Variants in DLEC1 observed in about 807,000 individuals in gnomAD.
The protein encoded by DLEC1 is DLEC1 cilia and flagella associated protein, also known as deleted in lung and esophageal cancer protein 1.
A neutral mutation model predicts 198.1 loss-of-function variants in DLEC1; 146 were observed. That is an observed-to-expected ratio of 0.74 (90% confidence interval 0.64 to 0.85). The LOEUF (loss-of-function observed/expected upper bound fraction) is 0.85, where lower values mean the gene tolerates loss of function less well. Among genes scored for constraint, DLEC1 ranks in the 40% least tolerant of loss-of-function variants. The pLI, the probability that DLEC1 is intolerant of heterozygous loss-of-function variation, is 0.00. For missense variants in DLEC1, 2,233 were observed against 2,220.0 expected (o/e 1.01, Z -0.12); for synonymous variants, 897 against 866.8 (o/e 1.03, Z -0.61).
intron 35 of DLEC1, 32 bp downstream of exon 35, chr3:38,121,813 C>A: frequency 6.2e-7 from 1 of 1,611,080 alleles, no homozygotes; most frequent in South Asian, 1.1e-5. Context: ...ACCCACCGTT[C>A]CCCTACAGGG....
At chr3:38,057,272 C>G (rs1432428020) in intron 2 of DLEC1, among the ~76,000 whole-genome samples, 2 of 152,214 alleles carry the variant, frequency 1.3e-5, no homozygotes, top group African/African-American at 4.8e-5. Flanking sequence ...GGGCAGATCA[C>G]CTGAGGTCAG....
In DLEC1 at chr3:38,100,313, A is replaced by G. The variant is rs767458621; in HGVS notation, c.2752A>G (p.Ser918Gly). 6.2e-7 allele frequency: 1 copy of G among 1,613,004 alleles called. No individual in the cohort carries two copies. Among genetic ancestry groups the G allele is most frequent in the East Asian group, 2.2e-5 (1 of 44,766 alleles). ...GTCTCCCTTCGACATTGAGCCTTCG[A>G]GTGGCCAGCTTCACTCTCTGGGGGA... ...DVSPFDIEPS[S>G]GQLHSLGECR... Residue 918 changes from serine to glycine, a missense_variant, in exon 19 of 37, where the codon AGT (serine) becomes GGT (glycine). Transcript: ENST00000308059.
intron 6 of DLEC1, among the ~76,000 whole-genome samples, chr3:38,076,448 T>C (rs1342681750): frequency 1.3e-5 from 2 of 151,462 alleles, no homozygotes; most frequent in Non-Finnish European, 2.9e-5. Flanking sequence ...AAAGGAAAAT[T>C]ACAGTCAAAG....
In DLEC1 at chr3:38,116,955, G is replaced by A. The variant is rs376433122; in HGVS notation, c.4180-20G>A. 1.9e-6 allele frequency: 3 copies of A among 1,613,538 alleles called. No individual in the cohort carries two copies. Among genetic ancestry groups the A allele is most frequent in the East Asian group, 2.2e-5 (1 of 44,880 alleles). On this transcript the variant is annotated intron_variant, in intron 29 of 36. Coordinates refer to ENST00000308059, the MANE Select transcript of DLEC1 (RefSeq NM_007335.4). Reference sequence around the variant, plus strand: ...GCCAGTGGGCATGGGACAGTGCTAAGGCTGCTGTGTCTATGCCAGGTGGTC... The same window carrying A: ...GCCAGTGGGCATGGGACAGTGCTAAAGCTGCTGTGTCTATGCCAGGTGGTC...
chr3:38,085,885 C>G (rs1427777281), intron 8 of DLEC1, among the ~76,000 whole-genome samples: 5 of 152,184 alleles, frequency 3.3e-5, no homozygotes, highest in African/African-American at 1.2e-4. Flanking sequence ...CAAGCTTCTA[C>G]AGCTGGGCAT....
chr3:38,118,553 T>C (rs1575242043), intron 33 of DLEC1, among the ~76,000 whole-genome samples: 1 of 152,220 alleles, frequency 6.6e-6, no homozygotes, highest in Admixed American at 6.5e-5. Flanking sequence ...GTCTTGGGAA[T>C]GTCAGGACCT....
intron 1 of DLEC1, among the ~76,000 whole-genome samples, chr3:38,043,397 G>A (rs1414411156): frequency 1.3e-5 from 2 of 152,154 alleles, no homozygotes; most frequent in African/African-American, 4.8e-5. Context: ...CCAGAAATTA[G>A]GGTCAGAGAT....
intron 10 of DLEC1, among the ~76,000 whole-genome samples, chr3:38,090,735 A>G (rs187031000): frequency 2.0e-5 from 3 of 152,362 alleles, no homozygotes. Flanking sequence ...TTTCAACAGC[A>G]GTATGTAAGG....
intron 34 of DLEC1, among the ~76,000 whole-genome samples, chr3:38,121,009 GGCGA>G (rs1205180577): frequency 6.6e-6 from 1 of 151,144 alleles, no homozygotes; most frequent in African/African-American, 2.5e-5. Flanking sequence ...CAAGCACCAG[GGCGA>G]GCACCATGGA....
At chr3:38,076,073 TA>T (rs1484676027) in intron 6 of DLEC1, among the ~76,000 whole-genome samples, 3 of 152,088 alleles carry the variant, frequency 2.0e-5, no homozygotes, top group African/African-American at 7.2e-5. Flanking sequence ...GGTCCACGGA[TA>T]AAACATGTCT....
At chr3:38,063,970 TA>T in intron 6 of DLEC1, 51 bp downstream of exon 6, 1 of 1,282,582 alleles carries the variant, frequency 7.8e-7, no homozygotes, top group Non-Finnish European at 1.1e-6. Context: ...TTCTTATTTT[TA>T]AAAAGTCTTT....
At chr3:38,065,332 GGGAGAGGGAGAGGGA>G (rs1435172771) in intron 6 of DLEC1, among the ~76,000 whole-genome samples, 1 of 148,210 alleles carries the variant, frequency 6.7e-6, no homozygotes, top group Non-Finnish European at 1.5e-5. Flanking sequence ...ACCGTGCAGA[GGGAGAGGGAGAGGGA>G]GGAGAGGGAG....
At chr3:38,055,729 CTCT>C (rs1696326427) in intron 2 of DLEC1, among the ~76,000 whole-genome samples, 1 of 152,074 alleles carries the variant, frequency 6.6e-6, no homozygotes, top group South Asian at 2.1e-4. Context: ...GCAACGTGGA[CTCT>C]AAAGCTCTGT....
rs1698574679 is a variant in DLEC1, at chr3:38,088,377, A to G, written c.1654A>G (p.Ile552Val). Residue 552 changes from isoleucine to valine, a missense_variant, in exon 10 of 37, where the codon ATA becomes GTA. Coordinates refer to ENST00000308059, the MANE Select transcript of DLEC1 (RefSeq NM_007335.4). ...SVFELAPGHA[I>V]LVEVLFSPKS... ...GTTTGAGCTGGCCCCGGGACATGCT[A>G]TATTAGTGGAGGTAGGTAATCAGAC... 1.9e-6 allele frequency: 3 copies of G among 1,612,294 alleles called. No individual in the cohort carries two copies. The highest frequency in any genetic ancestry group is 1.3e-5 in the African/African-American group (1 of 74,896).
intron 33 of DLEC1, 107 bp from the exon 34 acceptor site, chr3:38,120,329 TGCTGGGCTGTTG>T (rs1237470969): frequency 1.7e-6 from 2 of 1,146,730 alleles, no homozygotes; most frequent in Middle Eastern, 2.5e-4. Flanking sequence ...GTTGGGGAGC[TGCTGGGCTGTTG>T]GCTGGGCAAG....
chr3:38,080,320 G>A (rs1181966008), intron 6 of DLEC1, among the ~76,000 whole-genome samples: 2 of 152,116 alleles, frequency 1.3e-5, no homozygotes, highest in African/African-American at 2.4e-5. Context: ...GCTTGGCCTG[G>A]TGAGGAGGGG....
chr3:38,112,464 C>T lies in DLEC1; in HGVS notation c.3666+103C>T, dbSNP rs1333277323. On this transcript the variant is annotated intron_variant, in intron 25 of 36. Coordinates refer to ENST00000308059, the MANE Select transcript of DLEC1 (RefSeq NM_007335.4). This position sits in a 1 kb window ranked among gnomAD's most constrained non-coding sequence, Gnocchi z 4.8. ...AACACCTGGCCCTCAGACTCTCAAA[C>T]CTCACCAGGTTGAAACGCGATGCCC... The T allele has an allele frequency of 2.0e-6, 3 of 1,529,548 alleles. No homozygotes were observed. Among genetic ancestry groups the T allele is most frequent in the Middle Eastern group, 4.6e-4 (2 of 4,314 alleles). The allele number at this position is 1,529,548 out of a possible 1,614,324, so 94.7% of individuals were successfully genotyped here.
intron 18 of DLEC1, 47 bp downstream of exon 18, chr3:38,097,949 G>A (rs377627115): frequency 3.1e-5 from 50 of 1,610,170 alleles, no homozygotes; most frequent in East Asian, 8.9e-5. Flanking sequence ...CAATGAGCCC[G>A]TTTAGCTTGC....
chr3:38,110,124 A>C lies in DLEC1; in HGVS notation c.3286A>C (p.Lys1096Gln), dbSNP rs1187792413. 6.2e-7 allele frequency: 1 copy of C among 1,614,130 alleles called. No homozygotes were observed. Among genetic ancestry groups the C allele is most frequent in the Non-Finnish European group, 8.5e-7 (1 of 1,180,028 alleles). The change falls in exon 23 of 37, where the codon AAG becomes CAG. Residue 1096 changes from lysine (K) to glutamine (Q), a missense_variant. Lys to Gln is a moderately conservative substitution (Grantham distance 53). Coordinates refer to ENST00000308059, the MANE Select transcript of DLEC1 (RefSeq NM_007335.4). ...CACAGAGCAGTGGCCAGGCCACCCA[A>C]AGGAGCTCCGCCTGGACTTTGGCTC... The part of the protein sequence containing the change: ...CSTEQWPGHP[K>Q]ELRLDFGSAV...
Sources: gnomAD v4.1 joint callset for allele counts (sites outside exome capture counted in the v4.1 genomes callset) on GRCh38, gnomAD v4.1.1 for gene constraint, Gnocchi (gnomAD v3.1) non-coding constraint, MANE v1.5 for transcripts, NCBI Gene and HGNC (gene_info 2026-07-23, HGNC 2026-07-21) for gene names.